Variants in DTD1 observed in about 807,000 individuals in gnomAD.
The protein encoded by DTD1 is D-tyrosyl-tRNA deacylase 1 homolog.
DTD1 carries 13 observed loss-of-function variants against 25.6 expected under a neutral mutation model. That is an observed-to-expected ratio of 0.51 (90% CI 0.33 to 0.81). The LOEUF is 0.81. DTD1 is among the 30% of genes least tolerant of loss of function. The pLI, the probability that DTD1 is intolerant of heterozygous loss-of-function variation, is 0.02. For synonymous variants in DTD1, 110 were observed against 103.6 expected (o/e 1.06, Z -0.37); for missense variants, 193 against 266.4 (o/e 0.72, Z 1.92).
At chr20:18,705,923 C>T (rs1163853998) in intron 4 of DTD1, among the ~76,000 whole-genome samples, 1 of 152,216 alleles carries the variant, frequency 6.6e-6, no homozygotes, top group Admixed American at 6.5e-5. Flanking sequence ...TCCATTTTCT[C>T]TTTGGCTGTC....
At chr20:18,739,469 A>G (rs2061268776) in intron 4 of DTD1, among the ~76,000 whole-genome samples, 1 of 152,152 alleles carries the variant, frequency 6.6e-6, no homozygotes, top group South Asian at 2.1e-4. Flanking sequence ...AGCTTTTGGA[A>G]GGCTGGGTTT....
At chr20:18,692,840 C>G (rs1199411433) in intron 4 of DTD1, among the ~76,000 whole-genome samples, 1 of 151,330 alleles carries the variant, frequency 6.6e-6, no homozygotes, top group South Asian at 2.1e-4. Context: ...TTTTATTTTG[C>G]TATATGCTAC....
chr20:18,617,705 A>AT (rs2060714429), intron 3 of DTD1, among the ~76,000 whole-genome samples: 1 of 151,876 alleles, frequency 6.6e-6, no homozygotes, highest in African/African-American at 2.4e-5. Flanking sequence ...TACTTTTATT[A>AT]TTTTTTTCTA....
At chr20:18,668,356 C>T (rs1028274244) in intron 4 of DTD1, among the ~76,000 whole-genome samples, 1 of 152,190 alleles carries the variant, frequency 6.6e-6, no homozygotes, top group African/African-American at 2.4e-5. Flanking sequence ...CAGTGTGTTA[C>T]ACACATGATA....
chr20:18,665,944 C>T (rs923440723), intron 4 of DTD1, among the ~76,000 whole-genome samples: 6 of 152,166 alleles, frequency 3.9e-5, no homozygotes, highest in African/African-American at 1.2e-4. Flanking sequence ...ACCCCCACAA[C>T]ATATTGTCAA....
At position 18,596,062 on chromosome 20, in the gene DTD1, C is replaced by T. The variant is rs779881694; in HGVS notation, c.191C>T (p.Ser64Leu). ...VFEDESGKHW[S>L]KSVMDKQYEI... ...GAGGATGAGAGTGGGAAGCACTGGT[C>T]GAAGAGTGTGATGGACAAACAGTAC... The change falls in exon 3 of 6, where the codon TCG becomes TTG. Residue 64 changes from serine (S) to leucine (L), a missense_variant. By Grantham distance (145) the Ser-to-Leu change is moderately radical. Transcript: ENST00000377452. The T allele has an allele frequency of 5.6e-6, 9 of 1,613,842 alleles. No homozygotes were observed. Among genetic ancestry groups the T allele is most frequent in the African/African-American group, 1.3e-5 (1 of 74,844 alleles).
Position 18,649,401 on chromosome 20 carries a change from C to T in DTD1, c.477+21168C>T, listed in dbSNP as rs547230072. Among the ~76,000 whole-genome samples the T allele has an allele frequency of 1.8e-3, 234 of 127,100 alleles. 2 individuals carry two copies. Among genetic ancestry groups the T allele is most frequent in the African/African-American group, 6.8e-3 (228 of 33,708 alleles). The allele number at this position is 127,100 out of a possible 152,430, so 83.4% of individuals were successfully genotyped here. A position where few individuals can be genotyped will look rare whatever the true frequency, so the allele number is the denominator to read the frequency against. ...TCGCCCAGGATGGAGTGCAGTGGCG[C>T]GATCTCCGCTCACTGCAACATCCGC... is the stretch of plus-strand genomic sequence containing the variant. On this transcript the variant is annotated intron_variant, in intron 4 of 5. Coordinates refer to ENST00000377452, the MANE Select transcript of DTD1 (RefSeq NM_080820.6).
At chr20:18,712,860 T>G (rs959215319) in intron 4 of DTD1, among the ~76,000 whole-genome samples, 3 of 152,244 alleles carry the variant, frequency 2.0e-5, no homozygotes, top group Non-Finnish European at 4.4e-5. Flanking sequence ...CCCCAAATCC[T>G]TTCGTGTACA....
intron 4 of DTD1, among the ~76,000 whole-genome samples, chr20:18,728,706 A>G (rs1186079675): frequency 6.6e-6 from 1 of 152,122 alleles, no homozygotes; most frequent in Non-Finnish European, 1.5e-5. Context: ...TCACAAGAGC[A>G]GCTGTTGAGG....
At chr20:18,742,853 CTT>C (rs2061283963) in intron 4 of DTD1, among the ~76,000 whole-genome samples, 2 of 152,180 alleles carry the variant, frequency 1.3e-5, no homozygotes, top group Admixed American at 1.3e-4. Flanking sequence ...AGTGAATCCT[CTT>C]TGTGTCTTGG....
intron 4 of DTD1, among the ~76,000 whole-genome samples, chr20:18,706,224 G>A (rs1273541490): frequency 6.6e-6 from 1 of 152,150 alleles, no homozygotes; most frequent in Non-Finnish European, 1.5e-5. Flanking sequence ...CTACACCAAG[G>A]CAGTTGTGTG....
intron 4 of DTD1, among the ~76,000 whole-genome samples, chr20:18,733,293 C>T (rs2061244890): frequency 1.3e-5 from 2 of 152,126 alleles, no homozygotes; most frequent in South Asian, 2.1e-4. Context: ...TATACTCAGG[C>T]CTTGTGCCCG....
chr20:18,618,672 TACAC>T (rs751474809), intron 3 of DTD1, among the ~76,000 whole-genome samples: 4,471 of 130,516 alleles, frequency 0.034, 89 homozygotes, highest in African/African-American at 0.046. Flanking sequence ...CATAATTTTA[TACAC>T]ACACACACAC....
chr20:18,622,472 G>A (rs1337850509), intron 3 of DTD1, among the ~76,000 whole-genome samples: 2 of 152,150 alleles, frequency 1.3e-5, no homozygotes, highest in East Asian at 3.8e-4. Flanking sequence ...TAAACAGGAA[G>A]GGAATTTCAT....
At chr20:18,738,365 A>G (rs2061264855) in intron 4 of DTD1, among the ~76,000 whole-genome samples, 1 of 152,168 alleles carries the variant, frequency 6.6e-6, no homozygotes. Context: ...TTTCAACTTC[A>G]AGTGCCACAA....
intron 4 of DTD1, among the ~76,000 whole-genome samples, chr20:18,681,288 T>C (rs1207895963): frequency 6.6e-6 from 1 of 152,218 alleles, no homozygotes; most frequent in Non-Finnish European, 1.5e-5. Flanking sequence ...TATAAGCAAC[T>C]GGATTCATTT....
At chr20:18,643,015 A>C (rs1200452593) in intron 4 of DTD1, 1 of 157,512 alleles carries the variant, frequency 6.3e-6, no homozygotes, top group Non-Finnish European at 1.4e-5. Flanking sequence ...TCTTGGGTTC[A>C]AGAGATTCTC....
intron 4 of DTD1, among the ~76,000 whole-genome samples, chr20:18,683,556 C>T (rs1329688215): frequency 6.6e-6 from 1 of 152,170 alleles, no homozygotes; most frequent in Non-Finnish European, 1.5e-5. Context: ...GGCTGGTAGT[C>T]ATGAGCTGTG....
At chr20:18,633,246 C>T (rs772570663) in intron 4 of DTD1, among the ~76,000 whole-genome samples, 6 of 152,172 alleles carry the variant, frequency 3.9e-5, no homozygotes, top group Admixed American at 6.5e-5. Context: ...CATCCCTATG[C>T]TTCACCTACT....
Sources: gnomAD v4.1 joint callset for allele counts (sites outside exome capture counted in the v4.1 genomes callset) on GRCh38, gnomAD v4.1.1 for gene constraint, MANE v1.5 for transcripts, NCBI Gene and HGNC (gene_info 2026-07-23, HGNC 2026-07-21) for gene names.